FANCC: variants seen among roughly 807,000 people sequenced by gnomAD.
FANCC encodes Fanconi anemia group C protein.
A neutral mutation model predicts 71.3 loss-of-function variants in FANCC; 55 were observed. That is an observed-to-expected ratio of 0.77 (90% CI 0.62 to 0.97). The LOEUF is 0.97. Among genes scored for constraint, FANCC ranks in the 50% least tolerant of loss-of-function variants. FANCC has a pLI of 0.00. For missense variants in FANCC, 678 were observed against 670.9 expected (o/e 1.01, Z -0.12); for synonymous variants, 275 against 244.9 (o/e 1.12, Z -1.15).
intron 1 of FANCC, among the ~76,000 whole-genome samples, chr9:95,270,706 T>G (rs1177404843): frequency 1.3e-5 from 2 of 152,258 alleles, no homozygotes; most frequent in African/African-American, 4.8e-5. Flanking sequence ...AAGGGCAACC[T>G]AGGTATTTAA....
intron 6 of FANCC, among the ~76,000 whole-genome samples, chr9:95,167,176 TC>T (rs2135552792): frequency 6.6e-6 from 1 of 152,298 alleles, no homozygotes; most frequent in African/African-American, 2.4e-5. Context: ...TGCTGAGAAA[TC>T]CACTGATAAT....
At chr9:95,142,501 C>T (rs1233220722) in intron 7 of FANCC, 1 of 152,260 alleles carries the variant, frequency 6.6e-6, no homozygotes, top group Non-Finnish European at 1.5e-5. Context: ...CTTCTGAGAT[C>T]AGGCAAGACT....
intron 1 of FANCC, among the ~76,000 whole-genome samples, chr9:95,276,284 T>C (rs1316755151): frequency 6.6e-6 from 1 of 152,216 alleles, no homozygotes; most frequent in Non-Finnish European, 1.5e-5. Context: ...CTGAATTTGT[T>C]CTTAAATATG....
chr9:95,210,295 C>A (rs1017836810), intron 4 of FANCC, among the ~76,000 whole-genome samples: 11 of 152,002 alleles, frequency 7.2e-5, no homozygotes, highest in African/African-American at 2.7e-4. Context: ...CAGTAACATT[C>A]TATTCCTAAC....
chr9:95,143,788 G>A (rs1262336713), intron 7 of FANCC, among the ~76,000 whole-genome samples: 5 of 152,166 alleles, frequency 3.3e-5, no homozygotes, highest in South Asian at 2.1e-4. Context: ...TCAGCAGCCC[G>A]CCCAGGAAGG....
intron 6 of FANCC, among the ~76,000 whole-genome samples, chr9:95,159,034 T>G (rs1213574192): frequency 6.9e-6 from 1 of 145,984 alleles, no homozygotes; most frequent in African/African-American, 2.5e-5. Context: ...TTTTTTGACC[T>G]TTTTTTTTTT....
At chr9:95,198,086 T>G (rs776395886) in intron 4 of FANCC, among the ~76,000 whole-genome samples, 1 of 151,836 alleles carries the variant, frequency 6.6e-6, no homozygotes, top group Non-Finnish European at 1.5e-5. Flanking sequence ...GGCTCAGAGG[T>G]GTTAAAGGCC....
chr9:95,290,124 A>T (rs1283477730), intron 1 of FANCC, among the ~76,000 whole-genome samples: 5 of 152,320 alleles, frequency 3.3e-5, no homozygotes, highest in Middle Eastern at 3.4e-3. Flanking sequence ...CACACATGTC[A>T]CTGGGTTCCA....
intron 4 of FANCC, among the ~76,000 whole-genome samples, chr9:95,210,884 G>T (rs762696630): frequency 3.9e-5 from 6 of 152,066 alleles, no homozygotes; most frequent in African/African-American, 1.4e-4. Flanking sequence ...ATACTAATAG[G>T]ACAGGTTACA....
chr9:95,245,550 AAGT>A (rs1254797977), intron 3 of FANCC, among the ~76,000 whole-genome samples: 2 of 151,644 alleles, frequency 1.3e-5, no homozygotes, highest in Non-Finnish European at 2.9e-5. Flanking sequence ...AGTGTAATAG[AAGT>A]TATGTACTAC....
intron 4 of FANCC, among the ~76,000 whole-genome samples, chr9:95,196,756 C>G (rs1457475600): frequency 1.3e-5 from 2 of 152,188 alleles, no homozygotes; most frequent in Non-Finnish European, 2.9e-5. Context: ...AGGTGCTTCC[C>G]TTCAAGATCC....
chr9:95,187,498 C>A (rs1310564360), intron 4 of FANCC, among the ~76,000 whole-genome samples: 1 of 152,212 alleles, frequency 6.6e-6, no homozygotes, highest in Non-Finnish European at 1.5e-5. Flanking sequence ...CCTAAGTCAG[C>A]GTTTCTCAGG....
chr9:95,220,423 G>T (rs1329020293), intron 4 of FANCC, among the ~76,000 whole-genome samples: 1 of 152,210 alleles, frequency 6.6e-6, no homozygotes, highest in Non-Finnish European at 1.5e-5. Context: ...GCACACGTAT[G>T]TTTACCGCAG....
chr9:95,193,552 T>C (rs1336251585), intron 4 of FANCC, among the ~76,000 whole-genome samples: 1 of 152,186 alleles, frequency 6.6e-6, no homozygotes, highest in Non-Finnish European at 1.5e-5. Context: ...ACTAAAAATG[T>C]CTCTAAATGG....
intron 4 of FANCC, among the ~76,000 whole-genome samples, chr9:95,238,048 A>T (rs2136033493): frequency 6.6e-6 from 1 of 152,276 alleles, no homozygotes; most frequent in Non-Finnish European, 1.5e-5. Flanking sequence ...ATTAGATATG[A>T]ATGAGCACTC....
intron 4 of FANCC, among the ~76,000 whole-genome samples, chr9:95,205,096 T>G (rs1828038533): frequency 6.6e-6 from 1 of 152,206 alleles, no homozygotes; most frequent in Non-Finnish European, 1.5e-5. Context: ...AAATTATGTA[T>G]AGCACTGCAT....
intron 7 of FANCC, among the ~76,000 whole-genome samples, chr9:95,137,341 G>T (rs575269149): frequency 6.6e-6 from 1 of 152,260 alleles, no homozygotes; most frequent in East Asian, 1.9e-4. Flanking sequence ...TGAAGACCCG[G>T]GGAGACTGCG....
At chr9:95,299,870 C>T (rs1332116020) in intron 1 of FANCC, among the ~76,000 whole-genome samples, 1 of 152,064 alleles carries the variant, frequency 6.6e-6, no homozygotes, top group African/African-American at 2.4e-5. Flanking sequence ...CAAATGCATG[C>T]GCACACACAC....
intron 4 of FANCC, among the ~76,000 whole-genome samples, chr9:95,195,669 G>A (rs1055354236): frequency 6.6e-6 from 1 of 152,170 alleles, no homozygotes; most frequent in Non-Finnish European, 1.5e-5. Flanking sequence ...AATTTTGATA[G>A]GAAATGCTTT....
Sources: allele counts gnomAD v4.1 joint callset (sites outside exome capture counted in the v4.1 genomes callset), GRCh38; gene constraint gnomAD v4.1.1; transcripts MANE v1.5; gene names NCBI Gene and HGNC (gene_info 2026-07-23, HGNC 2026-07-21).